ICA1: variants seen among roughly 807,000 people sequenced by gnomAD.
The protein encoded by ICA1 is islet cell autoantigen 1.
In ICA1, 40 loss-of-function variants were observed where a neutral mutation model predicts 71.0. The ratio of observed to expected loss-of-function variants is 0.56; its 90% CI spans 0.44 to 0.73. ICA1 has a LOEUF of 0.73. Among genes scored for constraint, ICA1 ranks in the 30% least tolerant of loss-of-function variants. The pLI is 0.00. For missense variants in ICA1, 578 were observed against 576.5 expected, an observed-to-expected ratio of 1.00 and a Z score of -0.03; for synonymous variants, 207 against 209.5, an observed-to-expected ratio of 0.99 and a Z score of 0.10.
intron 1 of ICA1, among the ~76,000 whole-genome samples, chr7:8,255,442 T>G (rs902216045): frequency 6.6e-6 from 1 of 152,222 alleles, no homozygotes; most frequent in Admixed American, 6.5e-5. Flanking sequence ...TGTGTCTGCA[T>G]CTCAAATATC....
At chr7:8,196,039 C>T (rs1456881707) in intron 6 of ICA1, among the ~76,000 whole-genome samples, 1 of 152,064 alleles carries the variant, frequency 6.6e-6, no homozygotes, top group Non-Finnish European at 1.5e-5. Context: ...ACAAAAAATT[C>T]CACATAAGAA....
intron 1 of ICA1, among the ~76,000 whole-genome samples, chr7:8,259,283 G>A (rs1041911342): frequency 5.3e-5 from 8 of 152,166 alleles, no homozygotes; most frequent in African/African-American, 7.2e-5. Context: ...TAAGCTCCCA[G>A]GGGAGGCCAC....
intron 6 of ICA1, among the ~76,000 whole-genome samples, chr7:8,175,845 A>G (rs3779370): frequency 0.69 from 104,260 of 152,082 alleles, 36,721 homozygotes; most frequent in East Asian, 0.87. Flanking sequence ...ACGATGATTC[A>G]GGAGAATTGG....
At position 8,235,989 on chromosome 7, in the gene ICA1, A is replaced by T; in HGVS notation, c.-63T>A. 2.0e-6 allele frequency: 3 copies of T among 1,510,510 alleles called. No homozygotes were observed. Among genetic ancestry groups the T allele is most frequent in the Non-Finnish European group, 2.8e-6 (3 of 1,089,230 alleles). The allele number at this position is 1,510,510 out of a possible 1,614,324, so 93.6% of individuals were successfully genotyped here. ...AGGGGCAGGAAAAAAGCATGAGAGG[A>T]TAAGTTATATTATAACCTGAAATAA... On this transcript the variant is annotated 5_prime_UTR_variant, in exon 2 of 14. Coordinates refer to ENST00000402384, the MANE Select transcript of ICA1 (RefSeq NM_001136020.3).
chr7:8,154,924 C>G (rs771837718), intron 8 of ICA1, among the ~76,000 whole-genome samples: 1 of 152,038 alleles, frequency 6.6e-6, no homozygotes, highest in Non-Finnish European at 1.5e-5. Context: ...ATATTTGAGT[C>G]CACATAAAGA....
At chr7:8,217,632 A>G (rs1304233705) in intron 6 of ICA1, among the ~76,000 whole-genome samples, 1 of 152,230 alleles carries the variant, frequency 6.6e-6, no homozygotes, top group Non-Finnish European at 1.5e-5. Context: ...ATCTCGCTGC[A>G]TTTTCATAAA....
chr7:8,209,175 G>A (rs926245916), intron 6 of ICA1, among the ~76,000 whole-genome samples: 1 of 152,126 alleles, frequency 6.6e-6, no homozygotes, highest in Non-Finnish European at 1.5e-5. Context: ...TCTGAAACTC[G>A]AGAGTTAAGC....
At chr7:8,153,835 GAA>G (rs1800526296) in intron 8 of ICA1, among the ~76,000 whole-genome samples, 1 of 98,982 alleles carries the variant, frequency 1.0e-5, no homozygotes, top group Non-Finnish European at 2.1e-5. Flanking sequence ...AACTCATGCA[GAA>G]TATATATATA....
intron 6 of ICA1, among the ~76,000 whole-genome samples, chr7:8,170,583 T>A (rs999782277): frequency 9.2e-5 from 14 of 152,034 alleles, no homozygotes; most frequent in African/African-American, 3.1e-4. Flanking sequence ...CATATTTTGA[T>A]GCTATTATAA....
At chr7:8,179,918 T>A (rs909102296) in intron 6 of ICA1, among the ~76,000 whole-genome samples, 13 of 152,186 alleles carry the variant, frequency 8.5e-5, no homozygotes, top group Admixed American at 7.9e-4. Flanking sequence ...AGTAACCATG[T>A]TGCTAAAACT....
rs535324029 is a variant in ICA1, at chr7:8,131,729, C to T, written c.1061-3587G>A. On this transcript the variant is annotated intron_variant, in intron 12 of 13. Transcript: ENST00000402384. ...AAATCTAACTACAAGTAGAAAAGGA[C>T]GGGTTCAGGTCTGTAACCAGACAAG... 9.2e-5 allele frequency among the ~76,000 whole-genome samples: 14 copies of T among 152,248 alleles called. 1 individual carries two copies. The highest frequency in any genetic ancestry group is 2.1e-4 in the South Asian group (1 of 4,816).
rs1490090445 is a variant in ICA1, at chr7:8,113,225, A to C, written c.*698T>G. 1 of 151,918 alleles carries C rather than the reference A, an allele frequency of 6.6e-6. No homozygotes were observed. The highest frequency in any genetic ancestry group is 2.1e-4 in the South Asian group (1 of 4,780). 9.4% of individuals were successfully genotyped at this position (151,918 alleles called of 1,614,324 possible). On this transcript the variant is annotated 3_prime_UTR_variant, in exon 14 of 14. Coordinates refer to ENST00000402384, the MANE Select transcript of ICA1 (RefSeq NM_001136020.3). This position sits in a 1 kb window ranked among gnomAD's most constrained non-coding sequence, Gnocchi z 4.2. ...CTTTTCTGTTTAATTAAAAAAAAAA[A>C]AAAAACAATGTCACAAGAGGCTTCA... is the stretch of plus-strand genomic sequence containing the variant.
At chr7:8,164,525 C>A (rs1805166154) in intron 6 of ICA1, among the ~76,000 whole-genome samples, 1 of 152,054 alleles carries the variant, frequency 6.6e-6, no homozygotes, top group South Asian at 2.1e-4. Flanking sequence ...GTCTAGCTTG[C>A]CTTTCCACCA....
At chr7:8,260,527 C>T (rs550606881) in intron 1 of ICA1, among the ~76,000 whole-genome samples, 1 of 152,152 alleles carries the variant, frequency 6.6e-6, no homozygotes, top group African/African-American at 2.4e-5. Context: ...TTAACTGTTA[C>T]GTTTTCTAAA....
At position 8,132,296 on chromosome 7, in the gene ICA1, C is replaced by T. The variant is rs1320423618; in HGVS notation, c.1061-4154G>A. ...CCAGCACCTTTAGTCTTTCATTTTCCAATGCTTCCTTCCCCTAGCCGCAGG... is the reference window on the plus strand; with the variant it reads ...CCAGCACCTTTAGTCTTTCATTTTCTAATGCTTCCTTCCCCTAGCCGCAGG... On this transcript the variant is annotated intron_variant, in intron 12 of 13. Coordinates refer to ENST00000402384, the MANE Select transcript of ICA1 (RefSeq NM_001136020.3). The surrounding 1 kb of genome is among the most constrained non-coding windows in gnomAD (Gnocchi z 4.5). 3.3e-5 allele frequency among the ~76,000 whole-genome samples: 5 copies of T among 152,088 alleles called. No homozygotes were observed. In the East Asian group the frequency reaches 9.6e-4, roughly 29 times the overall value.
intron 6 of ICA1, among the ~76,000 whole-genome samples, chr7:8,165,414 A>C (rs1805540617): frequency 6.6e-6 from 1 of 152,164 alleles, no homozygotes; most frequent in South Asian, 2.1e-4. Flanking sequence ...CGATATCCTT[A>C]CCTCATTGAA....
chr7:8,197,370 T>C (rs1249036518), intron 6 of ICA1, among the ~76,000 whole-genome samples: 2 of 151,178 alleles, frequency 1.3e-5, no homozygotes, highest in African/African-American at 2.4e-5. Flanking sequence ...CTGGCCAACA[T>C]AGTGAAACCC....
At chr7:8,181,684 C>G (rs145831173) in intron 6 of ICA1, among the ~76,000 whole-genome samples, 270 of 152,236 alleles carry the variant, frequency 1.8e-3, no homozygotes, top group African/African-American at 6.1e-3. Flanking sequence ...TCTCACATGT[C>G]TGTGATAAGA....
At chr7:8,208,563 C>T (rs191878968) in intron 6 of ICA1, among the ~76,000 whole-genome samples, 4 of 152,080 alleles carry the variant, frequency 2.6e-5, no homozygotes, top group Non-Finnish European at 1.5e-5. Flanking sequence ...GTGAATAAGA[C>T]GACTAGCTGG....
Sources: gnomAD v4.1 joint callset for allele counts (sites outside exome capture counted in the v4.1 genomes callset) on GRCh38, gnomAD v4.1.1 for gene constraint, Gnocchi (gnomAD v3.1) non-coding constraint, MANE v1.5 for transcripts, NCBI Gene and HGNC (gene_info 2026-07-23, HGNC 2026-07-21) for gene names.